The following IPPK variants were observed in gnomAD, a reference collection of about 807,000 sequenced individuals.
IPPK encodes the protein inositol-pentakisphosphate 2-kinase, also known as IPK1 homolog.
A neutral mutation model predicts 64.6 loss-of-function variants in IPPK; 22 were observed. The ratio of observed to expected loss-of-function variants is 0.34; its 90% confidence interval spans 0.24 to 0.49. IPPK has a LOEUF of 0.49. IPPK is among the 20% of genes least tolerant of loss of function. The probability of loss-of-function intolerance (pLI) is 0.99; values close to 1 mark genes in which losing one functional copy is unlikely to be tolerated. For missense variants in IPPK, 532 were observed against 630.7 expected, an observed-to-expected ratio of 0.84 and a Z score of 1.68; for synonymous variants, 262 against 247.2, an observed-to-expected ratio of 1.06 and a Z score of -0.56.
chr9:92,648,234 G>T, intron 5 of IPPK, 86 bp from the exon 6 acceptor site: 1 of 1,008,474 alleles, frequency 9.9e-7, no homozygotes, highest in South Asian at 1.4e-5. Context: ...ACAAGATAAT[G>T]AGTGCAGCAA....
chr9:92,663,015 G>A (rs369162625), intron 1 of IPPK, among the ~76,000 whole-genome samples: 7 of 152,090 alleles, frequency 4.6e-5, no homozygotes, highest in African/African-American at 1.7e-4. Flanking sequence ...GATGTCCAAC[G>A]CAACACTGGG....
At chr9:92,618,841 C>G (rs1851531046) in intron 12 of IPPK, 1 of 352,446 alleles carries the variant, frequency 2.8e-6, no homozygotes, top group South Asian at 2.2e-5. Flanking sequence ...CCCAGGAACA[C>G]ATGTTAGAAG....
rs774110741 is a variant in IPPK at position 92,669,428 on chromosome 9, G to A, written c.81+480C>T. Among the ~76,000 whole-genome samples the A allele has an allele frequency of 4.6e-5, 7 of 152,204 alleles. No individual in the cohort carries two copies. The South Asian group carries it at 1.0e-3, about 22-fold the overall frequency. On this transcript the variant is annotated intron_variant, in intron 1 of 12. Transcript: ENST00000287996. ...GCACAGCAATTCCGTAGTCTCACGA[G>A]GCTGAACTCTTTTGGTGCTGAGAGT...
intron 11 of IPPK, among the ~76,000 whole-genome samples, chr9:92,631,773 G>C (rs533897023): frequency 1.3e-5 from 2 of 152,170 alleles, no homozygotes; most frequent in Admixed American, 1.3e-4. Context: ...ACATATATGC[G>C]AGTGTGTATG....
intron 11 of IPPK, among the ~76,000 whole-genome samples, chr9:92,622,920 C>A (rs1055288666): frequency 3.9e-5 from 6 of 152,082 alleles, no homozygotes; most frequent in Non-Finnish European, 5.9e-5. Flanking sequence ...AGGATAATTC[C>A]ATTTGAAAAG....
chr9:92,632,479 TA>T (rs59988673), intron 11 of IPPK, among the ~76,000 whole-genome samples: 2 of 152,188 alleles, frequency 1.3e-5, no homozygotes, highest in African/African-American at 4.8e-5. Context: ...AAAGTAAAAT[TA>T]AAAAGTAATC....
chr9:92,622,131 G>A (rs2131419997), intron 11 of IPPK, among the ~76,000 whole-genome samples: 1 of 152,136 alleles, frequency 6.6e-6, no homozygotes, highest in Non-Finnish European at 1.5e-5. Flanking sequence ...ATCTGCTCCT[G>A]ATTTTAAAAA....
At chr9:92,639,872 G>C (rs915609247) in intron 8 of IPPK, among the ~76,000 whole-genome samples, 15 of 151,698 alleles carry the variant, frequency 9.9e-5, no homozygotes, top group Admixed American at 7.9e-4. Context: ...CCAAGACCTG[G>C]GGAGGCAGGT....
At chr9:92,643,578 T>A (rs977007808) in intron 6 of IPPK, among the ~76,000 whole-genome samples, 2 of 146,486 alleles carry the variant, frequency 1.4e-5, no homozygotes, top group African/African-American at 4.9e-5. Context: ...TACAGTGTAA[T>A]GTCAATTTTG....
chr9:92,647,478 C>A (rs920250908), intron 6 of IPPK, among the ~76,000 whole-genome samples: 1 of 152,000 alleles, frequency 6.6e-6, no homozygotes, highest in Non-Finnish European at 1.5e-5. Flanking sequence ...CACCAACATC[C>A]CTTATGATTC....
chr9:92,632,158 G>C (rs985058981), intron 11 of IPPK, among the ~76,000 whole-genome samples: 1 of 152,206 alleles, frequency 6.6e-6, no homozygotes, highest in African/African-American at 2.4e-5. Flanking sequence ...GTTTTTAGCT[G>C]TTACAAAAAG....
intron 8 of IPPK, among the ~76,000 whole-genome samples, chr9:92,639,806 G>A (rs1185604773): frequency 1.3e-5 from 2 of 152,190 alleles, no homozygotes; most frequent in Non-Finnish European, 2.9e-5. Flanking sequence ...GAAGGTAGAG[G>A]CAGACAGGGA....
chr9:92,632,002 T>C (rs1851854558), intron 11 of IPPK, among the ~76,000 whole-genome samples: 1 of 152,178 alleles, frequency 6.6e-6, no homozygotes, highest in South Asian at 2.1e-4. Context: ...TTGGTTTTCG[T>C]CACCAACAAA....
chr9:92,635,187 C>A lies in IPPK; in HGVS notation c.1038G>T (p.Glu346Asp), dbSNP rs974231469. 6.2e-7 allele frequency: 1 copy of A among 1,613,766 alleles called. No homozygotes were observed. Reference sequence around the variant, plus strand: ...CCTCGGGAAACTCTTCCAGGTATCGCTCAACCCGGTTGTACAGAGGGTAGA... The same window carrying A: ...CCTCGGGAAACTCTTCCAGGTATCGATCAACCCGGTTGTACAGAGGGTAGA... ...EGLYPLYNRVERYLEEFPEER... is the reference protein window; with the variant it reads ...EGLYPLYNRVDRYLEEFPEER... Residue 346 changes from glutamate (E) to aspartate (D), a missense_variant, in exon 10 of 13, where the codon GAG (glutamate) becomes GAT (aspartate). Transcript: ENST00000287996. This position sits in a 1 kb window ranked among gnomAD's most constrained non-coding sequence, Gnocchi z 4.4.
intron 6 of IPPK, among the ~76,000 whole-genome samples, chr9:92,644,431 A>AACG (rs1192922375): frequency 3.3e-5 from 5 of 152,168 alleles, no homozygotes; most frequent in Non-Finnish European, 4.4e-5. Context: ...TGAGGGCAGG[A>AACG]CATCTCCAAA....
At chr9:92,661,429 T>C (rs1490830002) in intron 1 of IPPK, among the ~76,000 whole-genome samples, 1 of 152,204 alleles carries the variant, frequency 6.6e-6, no homozygotes, top group Non-Finnish European at 1.5e-5. Flanking sequence ...CATTGGGTAC[T>C]GTGCTGCCCC....
intron 5 of IPPK, among the ~76,000 whole-genome samples, chr9:92,649,056 C>T (rs952042786): frequency 1.3e-5 from 2 of 152,214 alleles, no homozygotes; most frequent in African/African-American, 4.8e-5. Flanking sequence ...CAGCCAAGCA[C>T]CAAGCAGGCA....
At chr9:92,648,417 A>C (rs1352031579) in intron 5 of IPPK, among the ~76,000 whole-genome samples, 1 of 152,158 alleles carries the variant, frequency 6.6e-6, no homozygotes, top group African/African-American at 2.4e-5. Flanking sequence ...CACAACACAC[A>C]ATAGCTTCAT....
In IPPK at chr9:92,623,681, T is replaced by TAC. The variant is rs760383379; in HGVS notation, c.1171-4118_1171-4117dup. On this transcript the variant is annotated intron_variant, in intron 11 of 12. Transcript: ENST00000287996. The stretch of plus-strand genomic sequence containing the variant: ...ACTTAATCTCATCACAAGATACCAC[T>TAC]ACACACACACCAGAATGGGTGAAAT... Among the ~76,000 whole-genome samples, 17 of 152,144 alleles carry TAC rather than the reference T, an allele frequency of 1.1e-4. 1 individual carries two copies. In the East Asian group the frequency reaches 1.7e-3, roughly 16 times the overall value.
Sources: gnomAD v4.1 joint callset for allele counts (sites outside exome capture counted in the v4.1 genomes callset) on GRCh38, gnomAD v4.1.1 for gene constraint, Gnocchi (gnomAD v3.1) non-coding constraint, MANE v1.5 for transcripts, NCBI Gene and HGNC (gene_info 2026-07-23, HGNC 2026-07-21) for gene names.